Variants in IFT172 observed in about 807,000 individuals in gnomAD.
IFT172 encodes the protein intraflagellar transport 172.
A neutral mutation model predicts 248.9 loss-of-function variants in IFT172; 164 were observed. That is an observed-to-expected ratio of 0.66 (90% CI 0.58 to 0.75). The LOEUF is 0.75. Ranked by LOEUF, IFT172 falls within the 30% of genes least tolerant of loss-of-function variation. The pLI, the probability that IFT172 is intolerant of heterozygous loss-of-function variation, is 0.00. For missense variants in IFT172, 1,950 were observed against 2,192.4 expected (o/e 0.89, Z 2.21); for synonymous variants, 729 against 791.6 (o/e 0.92, Z 1.33).
intron 1 of IFT172, 106 bp downstream of exon 1, chr2:27,489,508 TA>T: frequency 1.2e-6 from 1 of 806,136 alleles, no homozygotes; most frequent in South Asian, 1.6e-5. Flanking sequence ...CTATATCCCT[TA>T]CAGCCTTCTG....
intron 42 of IFT172, chr2:27,446,600 GCCTC>G (rs750850872): frequency 5.6e-6 from 2 of 355,074 alleles, no homozygotes; most frequent in Non-Finnish European, 1.0e-5. Flanking sequence ...TGCAACCTCT[GCCTC>G]CCGGATTCAA....
At chr2:27,476,768 A>T (rs1272458679) in intron 13 of IFT172, 42 bp from the exon 14 acceptor site, 2 of 1,187,676 alleles carry the variant, frequency 1.7e-6, no homozygotes, top group African/African-American at 3.0e-5. Context: ...GGGCTGAGGT[A>T]GTTGGGATGT....
At chr2:27,479,265 A>G (rs1668179100) in intron 10 of IFT172, among the ~76,000 whole-genome samples, 1 of 152,176 alleles carries the variant, frequency 6.6e-6, no homozygotes, top group Non-Finnish European at 1.5e-5. Flanking sequence ...TCGGCCTCCC[A>G]AAGTGCTGGG....
Position 27,458,856 on chromosome 2 carries a change from G to A in IFT172, c.2800C>T (p.Leu934Phe). ...SLQEYEIAEE[L>F]YTKGDRTKDA... ...TTTGTCCGATCTCCCTTAGTATAGAGCTCCTCAGCAATCTGTAGTTGATGG... is the reference window on the plus strand; with the variant it reads ...TTTGTCCGATCTCCCTTAGTATAGAACTCCTCAGCAATCTGTAGTTGATGG... The change falls in exon 26 of 48, where the codon CTC (leucine) becomes TTC (phenylalanine). Residue 934 changes from leucine to phenylalanine, a missense_variant. Transcript: ENST00000260570. 3 of 1,614,090 alleles carry A rather than the reference G, an allele frequency of 1.9e-6. No individual in the cohort carries two copies. The highest frequency in any genetic ancestry group is 1.3e-5 in the African/African-American group (1 of 75,012).
chr2:27,462,986 G>C, intron 19 of IFT172, 111 bp downstream of exon 19: 1 of 1,284,994 alleles, frequency 7.8e-7, no homozygotes, highest in Non-Finnish European at 1.1e-6. Context: ...AGGTGGGGTG[G>C]GCAGGGTAAA....
Position 27,462,980 on chromosome 2 carries a change from G to C in IFT172, c.2022+117C>G, listed in dbSNP as rs1666796936. ...AATGGTCTGACTTGAGGGTAAAGGT[G>C]GGGTGGGCAGGGTAAAGGAAACTGG... On this transcript the variant is annotated intron_variant, in intron 19 of 47. Transcript: ENST00000260570. 7 of 1,217,834 alleles carry C rather than the reference G, an allele frequency of 5.7e-6. No individual in the cohort carries two copies. The East Asian group carries it at 7.1e-5, about 12-fold the overall frequency. The allele number at this position is 1,217,834 out of a possible 1,614,324, so 75.4% of individuals were successfully genotyped here.
intron 29 of IFT172, among the ~76,000 whole-genome samples, chr2:27,457,037 T>G (rs527461608): frequency 6.6e-6 from 1 of 151,086 alleles, no homozygotes; most frequent in Non-Finnish European, 1.5e-5. Context: ...AGAGCGAAAC[T>G]CCATCTCAAA....
rs756598919 is a variant in IFT172, at chr2:27,454,677, A to G, written c.3372-17T>C. The G allele has an allele frequency of 1.2e-6, 2 of 1,612,060 alleles. No homozygotes were observed. The highest frequency in any genetic ancestry group is 1.7e-6 in the Non-Finnish European group (2 of 1,178,194). On this transcript the variant is annotated splice_polypyrimidine_tract_variant and intron_variant, in intron 30 of 47. Coordinates refer to ENST00000260570, the MANE Select transcript of IFT172 (RefSeq NM_015662.3). This position sits in a 1 kb window ranked among gnomAD's most constrained non-coding sequence, Gnocchi z 4.2. Reference sequence around the variant, plus strand: ...TCAAAGGAGCTGAAACAGAAAGTGCAGATAAAGTTTTCTTGCTTCATGCTT... The same window carrying G: ...TCAAAGGAGCTGAAACAGAAAGTGCGGATAAAGTTTTCTTGCTTCATGCTT...
At chr2:27,465,693 C>A in intron 17 of IFT172, 53 bp downstream of exon 17, 1 of 1,610,960 alleles carries the variant, frequency 6.2e-7, no homozygotes, top group Non-Finnish European at 8.5e-7. Flanking sequence ...AGGTCCTCCC[C>A]TCTCAGAACC....
Position 27,449,721 on chromosome 2 carries a change from G to C in IFT172, c.4130C>G (p.Ala1377Gly). 6.2e-7 allele frequency: 1 copy of C among 1,613,778 alleles called. No individual in the cohort carries two copies. Among genetic ancestry groups the C allele is most frequent in the Non-Finnish European group, 8.5e-7 (1 of 1,179,752 alleles). The change falls in exon 37 of 48, where the codon GCG becomes GGG. Residue 1377 changes from alanine to glycine, a missense_variant. Transcript: ENST00000260570. ...ATCTAACTCCTTAGCTACACGCTTC[G>C]CCTTGTTCCACTCCTCACCCTCGAT... ...AFIEGEEWNK[A>G]KRVAKELDPR...
intron 21 of IFT172, 47 bp downstream of exon 21, chr2:27,461,712 T>C (rs758820330): frequency 6.2e-7 from 1 of 1,611,894 alleles, no homozygotes. Flanking sequence ...TTTTTGAAAT[T>C]GGCAGAACCA....
chr2:27,445,508 G>A lies in IFT172; in HGVS notation c.4915-59C>T, dbSNP rs1020587252. 3 of 1,550,780 alleles carry A rather than the reference G, an allele frequency of 1.9e-6. No homozygotes were observed. Among genetic ancestry groups the A allele is most frequent in the African/African-American group, 1.4e-5 (1 of 73,720 alleles). On this transcript the variant is annotated intron_variant, in intron 45 of 47. Coordinates refer to ENST00000260570, the MANE Select transcript of IFT172 (RefSeq NM_015662.3). The surrounding 1 kb of genome is among the most constrained non-coding windows in gnomAD (Gnocchi z 4.4). Reference sequence around the variant, plus strand: ...ACAGGGCAGGGCAGGACAAGTTGGGGTGGATGGGTGAGGAGGGGGTTTGCT... The same window carrying A: ...ACAGGGCAGGGCAGGACAAGTTGGGATGGATGGGTGAGGAGGGGGTTTGCT...
In IFT172 at chr2:27,477,929, TG is replaced by T. The variant is rs1400963942; in HGVS notation, c.1167+65del. Reference sequence around the variant, plus strand: ...ATGGAGAGCTTACCCCTAGGGATTTTGGGTCCCCACAAATATTAAGCCAAGA... The same window carrying T: ...ATGGAGAGCTTACCCCTAGGGATTTTGGTCCCCACAAATATTAAGCCAAGA... On this transcript the variant is annotated intron_variant, in intron 11 of 47. Coordinates refer to ENST00000260570, the MANE Select transcript of IFT172 (RefSeq NM_015662.3). The T allele has an allele frequency of 8.8e-6, 14 of 1,586,076 alleles. No homozygotes were observed. In the African/African-American group the frequency reaches 1.9e-4, roughly 21 times the overall value.
rs1226819949 is a variant in IFT172 at position 27,454,906 on chromosome 2, A to G, written c.3372-246T>C. The stretch of plus-strand genomic sequence containing the variant: ...AAAAGCCTATGCCTTCCCTGAGGCC[A>G]GCTGCTCCTGAGGAATTAGTTTGGG... On this transcript the variant is annotated intron_variant, in intron 30 of 47. Coordinates refer to ENST00000260570, the MANE Select transcript of IFT172 (RefSeq NM_015662.3). This position sits in a 1 kb window ranked among gnomAD's most constrained non-coding sequence, Gnocchi z 4.2. 6.6e-6 allele frequency among the ~76,000 whole-genome samples: 1 copy of G among 152,194 alleles called. No homozygotes were observed. Among genetic ancestry groups the G allele is most frequent in the African/African-American group, 2.4e-5 (1 of 41,456 alleles).
Position 27,463,151 on chromosome 2 carries a change from T to A in IFT172, c.1968A>T (p.Lys656Asn). The A allele has an allele frequency of 6.2e-7, 1 of 1,614,188 alleles. No individual in the cohort carries two copies. Among genetic ancestry groups the A allele is most frequent in the Non-Finnish European group, 8.5e-7 (1 of 1,180,032 alleles). ...RCFSALGQVA[K>N]ARFLHETNEI... is the part of the protein sequence containing the mutation. ...CATTGGTCTCATGCAGGAATCGAGCTTTTGCTACTTGGCCCAAAGCAGAAA... is the reference window on the plus strand; with the variant it reads ...CATTGGTCTCATGCAGGAATCGAGCATTTGCTACTTGGCCCAAAGCAGAAA... Residue 656 changes from lysine (K) to asparagine (N), a missense_variant, in exon 19 of 48, where the codon AAA (lysine) becomes AAT (asparagine). This residue lies in a region of IFT172 where 1,166 missense variants were observed against 1,254.1 expected (regional missense o/e 0.93). Transcript: ENST00000260570.
chr2:27,462,932 A>C lies in IFT172; in HGVS notation c.2023-139T>G, dbSNP rs528078388. On this transcript the variant is annotated intron_variant, in intron 19 of 47. Coordinates refer to ENST00000260570, the MANE Select transcript of IFT172 (RefSeq NM_015662.3). ...ACACTTCATGGAGCTTAAAGGTTTG[A>C]GGTTTAGCAAAAGCAATTCTGAAAT... The C allele has an allele frequency of 2.4e-5, 28 of 1,150,412 alleles. No individual in the cohort carries two copies. In the South Asian group the frequency reaches 3.8e-4, roughly 16 times the overall value. The allele number at this position is 1,150,412 out of a possible 1,614,324, so 71.3% of individuals were successfully genotyped here.
At chr2:27,452,254 C>T (rs984926558) in intron 35 of IFT172, among the ~76,000 whole-genome samples, 1 of 152,138 alleles carries the variant, frequency 6.6e-6, no homozygotes. Flanking sequence ...TGCCTTTAAA[C>T]TGGGACACTG....
intron 16 of IFT172, among the ~76,000 whole-genome samples, chr2:27,470,485 G>A (rs1193778320): frequency 6.6e-6 from 1 of 152,150 alleles, no homozygotes; most frequent in Non-Finnish European, 1.5e-5. Flanking sequence ...CCTGCCTCTC[G>A]TTTTCTCTGG....
intron 33 of IFT172, 120 bp downstream of exon 33, chr2:27,453,862 C>T: frequency 7.2e-7 from 1 of 1,385,898 alleles, no homozygotes; most frequent in Non-Finnish European, 1.0e-6. Context: ...TCTTTCCTGT[C>T]TTCCCCACTC....
Sources: gnomAD v4.1 joint callset for allele counts (sites outside exome capture counted in the v4.1 genomes callset) on GRCh38, gnomAD v4.1.1 for gene constraint, gnomAD v4.1.1 regional missense constraint, Gnocchi (gnomAD v3.1) non-coding constraint, MANE v1.5 for transcripts, NCBI Gene and HGNC (gene_info 2026-07-23, HGNC 2026-07-21) for gene names.